Variants in MAPK10 observed in about 807,000 individuals in gnomAD.
MAPK10 encodes mitogen-activated protein kinase 10, also known as JNK3 alpha protein kinase.
In MAPK10, 25 loss-of-function variants were observed where a neutral mutation model predicts 59.3. That is an observed-to-expected ratio of 0.42 (90% confidence interval 0.31 to 0.59). The LOEUF (loss-of-function observed/expected upper bound fraction) is 0.59, where lower values mean the gene tolerates loss of function less well. Ranked by LOEUF, MAPK10 falls within the 20% of genes least tolerant of loss-of-function variation. The probability of loss-of-function intolerance (pLI) is 0.15; values close to 1 mark genes in which losing one functional copy is unlikely to be tolerated. For synonymous variants in MAPK10, 190 were observed against 200.5 expected, an observed-to-expected ratio of 0.95 and a Z score of 0.44; for missense variants, 351 against 568.9, an observed-to-expected ratio of 0.62 and a Z score of 3.90.
At chr4:86,213,488 A>G (rs1251796793) in intron 2 of MAPK10, among the ~76,000 whole-genome samples, 1 of 152,114 alleles carries the variant, frequency 6.6e-6, no homozygotes, top group East Asian at 1.9e-4. Context: ...GAAGGACTCA[A>G]ATTCCTGAAA....
chr4:86,507,640 A>ATG (rs1755868048), intron 1 of MAPK10, among the ~76,000 whole-genome samples: 1 of 82,506 alleles, frequency 1.2e-5, no homozygotes, highest in Non-Finnish European at 2.4e-5. Flanking sequence ...ATATATATAT[A>ATG]TATATATATA....
chr4:86,371,844 G>A lies in MAPK10; in HGVS notation c.-121-17200C>T, dbSNP rs1163522814. On this transcript the variant is annotated intron_variant, in intron 1 of 13. Coordinates refer to the MAPK10 transcript ENST00000361569. ...AACAAGAGAACATGCCATGAGGAACGGTGCATTCCAGCACAGATAATATGC... is the reference window on the plus strand; with the variant it reads ...AACAAGAGAACATGCCATGAGGAACAGTGCATTCCAGCACAGATAATATGC... Among the ~76,000 whole-genome samples the A allele has an allele frequency of 3.9e-5, 6 of 152,180 alleles. No homozygotes were observed. The East Asian group carries it at 7.8e-4, about 20-fold the overall frequency.
At chr4:86,096,514 T>C (rs989741310) in intron 9 of MAPK10, among the ~76,000 whole-genome samples, 5 of 151,954 alleles carry the variant, frequency 3.3e-5, no homozygotes, top group Non-Finnish European at 7.4e-5. Flanking sequence ...CCTCGCTACA[T>C]GAAATCAAGT....
chr4:86,169,210 C>T (rs1023245744), intron 3 of MAPK10, among the ~76,000 whole-genome samples: 5 of 152,214 alleles, frequency 3.3e-5, no homozygotes, highest in African/African-American at 4.8e-5. Flanking sequence ...CAAAGCTGGA[C>T]AGAGAATGAC....
intron 9 of MAPK10, among the ~76,000 whole-genome samples, chr4:86,069,451 T>C (rs1283459916): frequency 2.0e-5 from 3 of 152,054 alleles, no homozygotes; most frequent in South Asian, 2.1e-4. Context: ...AATTATCATG[T>C]GCATGAGAAA....
intron 1 of MAPK10, among the ~76,000 whole-genome samples, chr4:86,446,145 C>T (rs941915592): frequency 1.3e-5 from 2 of 151,994 alleles, no homozygotes; most frequent in South Asian, 2.1e-4. Flanking sequence ...TAGAAATACT[C>T]GATTATTGTT....
rs1741362029 is a variant in MAPK10 at position 86,010,667 on chromosome 4, A to C, written c.*6561T>G. The C allele has an allele frequency of 6.6e-6, 1 of 152,244 alleles. No homozygotes were observed. Among genetic ancestry groups the C allele is most frequent in the African/African-American group, 2.4e-5 (1 of 41,472 alleles). 9.4% of individuals were successfully genotyped at this position (152,244 alleles called of 1,614,324 possible). ...TTCCTTTTATAAAAGAAATACTTTA[A>C]TATTATGAATTCTCTTGGTCTGTGT... On this transcript the variant is annotated 3_prime_UTR_variant, in exon 14 of 14. Coordinates refer to ENST00000641462, the MANE Select transcript of MAPK10 (RefSeq NM_138982.4).
chr4:86,547,336 G>GA (rs1009816470), intron 1 of MAPK10, among the ~76,000 whole-genome samples: 2 of 152,216 alleles, frequency 1.3e-5, no homozygotes, highest in Non-Finnish European at 2.9e-5. Flanking sequence ...GCGCTGGGGG[G>GA]AACCAGGACT....
In MAPK10 at chr4:86,101,119, A is replaced by C. The variant is rs762945284; in HGVS notation, c.663T>G (p.Thr221=). ...ARTAGTSFMM[T]PYVVTRYYRA... ...TGTAATAACGTGTCACCACATATGG[A>C]GTCATCATGAAGCTTGTGCCTGCTG... The change falls in exon 8 of 14, where the codon ACT becomes ACG. Residue 221 remains threonine (T), a synonymous_variant. Transcript: ENST00000641462. The C allele has an allele frequency of 5.6e-6, 9 of 1,613,888 alleles. No homozygotes were observed. The Admixed American group carries it at 1.5e-4, about 27-fold the overall frequency.
chr4:86,114,210 T>C (rs2057971357), intron 4 of MAPK10, among the ~76,000 whole-genome samples: 1 of 152,210 alleles, frequency 6.6e-6, no homozygotes, highest in South Asian at 2.1e-4. Flanking sequence ...TGAAGACTAC[T>C]TCTGTCAATT....
intron 1 of MAPK10, among the ~76,000 whole-genome samples, chr4:86,399,963 A>G (rs982169640): frequency 6.6e-6 from 1 of 152,312 alleles, no homozygotes; most frequent in East Asian, 1.9e-4. Flanking sequence ...ATTCCCTTAC[A>G]TGAGATATAA....
intron 4 of MAPK10, among the ~76,000 whole-genome samples, chr4:86,139,722 A>G (rs187091840): frequency 6.6e-5 from 10 of 152,290 alleles, no homozygotes; most frequent in Admixed American, 6.5e-4. Flanking sequence ...ACAGCAAAAG[A>G]AACTACCATC....
chr4:86,533,120 A>G (rs1221733922), intron 1 of MAPK10, among the ~76,000 whole-genome samples: 1 of 152,226 alleles, frequency 6.6e-6, no homozygotes. Context: ...GAACCTTAAA[A>G]ACATTATGCT....
chr4:86,017,444 G>A lies in MAPK10; in HGVS notation c.1253-74C>T. The A allele has an allele frequency of 3.9e-6, 6 of 1,547,686 alleles. No individual in the cohort carries two copies. Among genetic ancestry groups the A allele is most frequent in the Non-Finnish European group, 5.3e-6 (6 of 1,127,594 alleles). On this transcript the variant is annotated intron_variant, in intron 13 of 13. Transcript: ENST00000641462. This position sits in a 1 kb window ranked among gnomAD's most constrained non-coding sequence, Gnocchi z 4.4. ...CATCTTAATGCCATTCAGGATTCAGGGATGGGCAAATACAATAGGGGATGT... is the reference window on the plus strand; with the variant it reads ...CATCTTAATGCCATTCAGGATTCAGAGATGGGCAAATACAATAGGGGATGT...
intron 2 of MAPK10, among the ~76,000 whole-genome samples, chr4:86,235,500 T>C (rs1373521574): frequency 6.6e-6 from 1 of 152,240 alleles, no homozygotes; most frequent in Non-Finnish European, 1.5e-5. Context: ...CTTTCCTGTA[T>C]ATATGTTATA....
At chr4:86,048,523 A>C (rs1469883422) in intron 11 of MAPK10, among the ~76,000 whole-genome samples, 1 of 152,126 alleles carries the variant, frequency 6.6e-6, no homozygotes, top group Non-Finnish European at 1.5e-5. Flanking sequence ...AGTCTATTAA[A>C]GCCACATGTC....
intron 2 of MAPK10, among the ~76,000 whole-genome samples, chr4:86,217,847 T>A (rs1322267877): frequency 6.6e-6 from 1 of 151,984 alleles, no homozygotes; most frequent in Admixed American, 6.6e-5. Context: ...AAATAACAGT[T>A]CACATCACAG....
chr4:86,578,988 C>G (rs1313217741), intron 1 of MAPK10, among the ~76,000 whole-genome samples: 1 of 152,058 alleles, frequency 6.6e-6, no homozygotes, highest in African/African-American at 2.4e-5. Flanking sequence ...AAGGATGACA[C>G]TTTTATTCTT....
At chr4:86,474,808 C>T (rs1291901784) in intron 1 of MAPK10, among the ~76,000 whole-genome samples, 5 of 152,180 alleles carry the variant, frequency 3.3e-5, no homozygotes, top group African/African-American at 1.2e-4. Context: ...CATCATATCC[C>T]CTGTGACCTG....
Sources: allele counts gnomAD v4.1 joint callset (sites outside exome capture counted in the v4.1 genomes callset), GRCh38; gene constraint gnomAD v4.1.1; non-coding constraint Gnocchi (gnomAD v3.1); transcripts MANE v1.5; gene names NCBI Gene and HGNC (gene_info 2026-07-23, HGNC 2026-07-21).